DCC: variants seen among roughly 807,000 people sequenced by gnomAD.
The protein encoded by DCC is DCC netrin 1 receptor.
Under a neutral mutation model 172.5 loss-of-function variants are expected in DCC, and 58 were observed. That is an observed-to-expected ratio of 0.34 (90% CI 0.27 to 0.42). The LOEUF (loss-of-function observed/expected upper bound fraction) is 0.42, where lower values mean the gene tolerates loss of function less well. DCC is among the 10% of genes least tolerant of loss of function. The pLI is 1.00. For missense variants in DCC, 1,740 were observed against 1,791.0 expected (o/e 0.97, Z 0.51); for synonymous variants, 709 against 644.5 (o/e 1.10, Z -1.52).
At chr18:53,320,198 G>A (rs139058226) in intron 13 of DCC, among the ~76,000 whole-genome samples, 302 of 149,422 alleles carry the variant, frequency 2.0e-3, no homozygotes, top group African/African-American at 6.5e-3. Flanking sequence ...TCAGCCTCCC[G>A]AGTAGCTGGG....
At chr18:52,803,301 G>A (rs967234028) in intron 2 of DCC, among the ~76,000 whole-genome samples, 3 of 152,168 alleles carry the variant, frequency 2.0e-5, no homozygotes, top group Non-Finnish European at 2.9e-5. Flanking sequence ...GCTCTGTGGA[G>A]ATGATGAGCA....
At chr18:52,794,062 T>C (rs2037825235) in intron 2 of DCC, among the ~76,000 whole-genome samples, 1 of 152,196 alleles carries the variant, frequency 6.6e-6, no homozygotes, top group Non-Finnish European at 1.5e-5. Flanking sequence ...TATAGCTTTG[T>C]AGTATATGTT....
rs1242795179 is a variant in DCC at position 52,635,807 on chromosome 18, G to A, written c.92-116247G>A. On this transcript the variant is annotated intron_variant, in intron 1 of 28. Coordinates refer to ENST00000442544, the MANE Select transcript of DCC (RefSeq NM_005215.4). The stretch of plus-strand genomic sequence containing the variant: ...TGTTTCATGCACTAATTCATAACTA[G>A]AATTAAACTCCCCCCAAAAAAGTCA... Among the ~76,000 whole-genome samples, 8 of 132,064 alleles carry A rather than the reference G, an allele frequency of 6.1e-5. No individual in the cohort carries two copies. The Admixed American group carries it at 6.8e-4, about 11-fold the overall frequency. The allele number at this position is 132,064 out of a possible 152,430, so 86.6% of individuals were successfully genotyped here.
intron 1 of DCC, among the ~76,000 whole-genome samples, chr18:52,408,006 A>G (rs1986712117): frequency 6.6e-6 from 1 of 152,102 alleles, no homozygotes; most frequent in Non-Finnish European, 1.5e-5. Flanking sequence ...ACTTAAGTAT[A>G]ACTGACTCAG....
chr18:52,987,965 A>G (rs2041321469), intron 5 of DCC, among the ~76,000 whole-genome samples: 1 of 152,250 alleles, frequency 6.6e-6, no homozygotes, highest in Admixed American at 6.5e-5. Context: ...AGCTATTTAA[A>G]CAGCAAAGCT....
At chr18:53,123,189 A>G (rs2043506798) in intron 7 of DCC, among the ~76,000 whole-genome samples, 1 of 152,078 alleles carries the variant, frequency 6.6e-6, no homozygotes, top group Non-Finnish European at 1.5e-5. Flanking sequence ...GGAGGGTACT[A>G]GGAAAATATG....
intron 1 of DCC, among the ~76,000 whole-genome samples, chr18:52,670,315 C>A (rs1286886280): frequency 6.6e-6 from 1 of 152,114 alleles, no homozygotes; most frequent in Non-Finnish European, 1.5e-5. Flanking sequence ...GGATGGAAGA[C>A]CAGGATGTGA....
At chr18:53,136,958 C>A (rs1423137734) in intron 7 of DCC, among the ~76,000 whole-genome samples, 1 of 152,136 alleles carries the variant, frequency 6.6e-6, no homozygotes, top group Admixed American at 6.5e-5. Context: ...ATTGAATGTC[C>A]AGGCCCTAAA....
intron 1 of DCC, among the ~76,000 whole-genome samples, chr18:52,590,734 C>T (rs2144796613): frequency 6.6e-6 from 1 of 152,350 alleles, no homozygotes; most frequent in Middle Eastern, 3.4e-3. Flanking sequence ...CCCATGGTAA[C>T]ACTGATTTCT....
At chr18:52,925,182 G>T in intron 4 of DCC, 52 bp from the exon 5 acceptor site, 2 of 1,555,776 alleles carry the variant, frequency 1.3e-6, no homozygotes, top group Non-Finnish European at 1.8e-6. Flanking sequence ...TGAGTATCTT[G>T]CTTAATATAT....
intron 5 of DCC, among the ~76,000 whole-genome samples, chr18:52,960,294 T>C (rs905147948): frequency 3.9e-5 from 6 of 152,144 alleles, no homozygotes; most frequent in Non-Finnish European, 8.8e-5. Context: ...GTAATTAAAA[T>C]TTTTTAACAT....
chr18:53,348,137 T>C (rs1450724674), intron 15 of DCC, among the ~76,000 whole-genome samples: 3 of 152,084 alleles, frequency 2.0e-5, no homozygotes, highest in Non-Finnish European at 4.4e-5. Context: ...ACGAAGGAAG[T>C]CCCTTTCGCC....
At chr18:52,987,412 G>A (rs2041313293) in intron 5 of DCC, among the ~76,000 whole-genome samples, 1 of 152,132 alleles carries the variant, frequency 6.6e-6, no homozygotes, top group Admixed American at 6.5e-5. Flanking sequence ...CCTAGTATGA[G>A]CAAATTTTTT....
chr18:52,929,426 T>C (rs1304342363), intron 5 of DCC, among the ~76,000 whole-genome samples: 1 of 152,164 alleles, frequency 6.6e-6, no homozygotes, highest in Admixed American at 6.6e-5. Context: ...TTTTAAATTT[T>C]AGTTTGGTTA....
At chr18:53,206,553 CATGT>C (rs1379341778) in intron 10 of DCC, among the ~76,000 whole-genome samples, 2 of 142,342 alleles carry the variant, frequency 1.4e-5, no homozygotes, top group African/African-American at 2.6e-5. Flanking sequence ...TGTATATATA[CATGT>C]ATGTATTATA....
chr18:52,673,925 T>A (rs1255538434), intron 1 of DCC, among the ~76,000 whole-genome samples: 2 of 152,176 alleles, frequency 1.3e-5, no homozygotes, highest in African/African-American at 2.4e-5. Flanking sequence ...AGGACTGAGC[T>A]TGGCTACAAT....
At chr18:52,521,739 A>G (rs2031825169) in intron 1 of DCC, among the ~76,000 whole-genome samples, 1 of 152,088 alleles carries the variant, frequency 6.6e-6, no homozygotes, top group Non-Finnish European at 1.5e-5. Flanking sequence ...GAAAAGGTGA[A>G]TGGTTTTCTC....
chr18:53,075,423 G>A lies in DCC; in HGVS notation c.1261+9257G>A, dbSNP rs576210715. On this transcript the variant is annotated intron_variant, in intron 7 of 28. Transcript: ENST00000442544. Reference sequence around the variant, plus strand: ...TTTGAAATTAGAAATGAATTCTGCAGTAATATGAATGTACTGAGACCAGTG... The same window carrying A: ...TTTGAAATTAGAAATGAATTCTGCAATAATATGAATGTACTGAGACCAGTG... Among the ~76,000 whole-genome samples the A allele has an allele frequency of 6.6e-5, 10 of 152,268 alleles. 1 individual carries two copies. In the South Asian group the frequency reaches 1.9e-3, roughly 28 times the overall value.
At position 53,503,750 on chromosome 18, in the gene DCC, C is replaced by T. The variant is rs187818928; in HGVS notation, c.4111+4240C>T. The stretch of plus-strand genomic sequence containing the variant: ...TCTAAAGGGAAAGAAAATGTGATCT[C>T]TTAAATAGTGACCTTTATATCATAA... On this transcript the variant is annotated intron_variant, in intron 27 of 28. Coordinates refer to ENST00000442544, the MANE Select transcript of DCC (RefSeq NM_005215.4). Among the ~76,000 whole-genome samples the T allele has an allele frequency of 5.5e-3, 834 of 152,250 alleles. 8 individuals carry two copies. Among genetic ancestry groups the T allele is most frequent in the Middle Eastern group, 0.041 (12 of 294 alleles).
Sources: allele counts gnomAD v4.1 joint callset (sites outside exome capture counted in the v4.1 genomes callset), GRCh38; gene constraint gnomAD v4.1.1; transcripts MANE v1.5; gene names NCBI Gene and HGNC (gene_info 2026-07-23, HGNC 2026-07-21).